ZFYVE9: variants seen among roughly 807,000 people sequenced by gnomAD.
The protein encoded by ZFYVE9 is zinc finger FYVE-type containing 9.
Under a neutral mutation model 126.7 loss-of-function variants are expected in ZFYVE9, and 43 were observed. The observed-to-expected ratio is 0.34, with a 90% CI of 0.27 to 0.44. The LOEUF is 0.44. Ranked by LOEUF, ZFYVE9 falls within the 20% of genes least tolerant of loss-of-function variation. ZFYVE9 has a pLI of 1.00. For synonymous variants in ZFYVE9, 521 were observed against 597.4 expected (o/e 0.87, Z 1.87); for missense variants, 1,476 against 1,697.0 (o/e 0.87, Z 2.29).
At chr1:52,340,707 C>G (rs1021067598) in intron 17 of ZFYVE9, among the ~76,000 whole-genome samples, 1 of 151,822 alleles carries the variant, frequency 6.6e-6, no homozygotes, top group Non-Finnish European at 1.5e-5. Flanking sequence ...CAAGACCAGC[C>G]TGGGTAACAT....
chr1:52,160,944 A>G (rs1644452263), intron 1 of ZFYVE9, among the ~76,000 whole-genome samples: 1 of 152,098 alleles, frequency 6.6e-6, no homozygotes, highest in African/African-American at 2.4e-5. Flanking sequence ...CACTCTCCTT[A>G]TTCTGGACAT....
At position 52,238,522 on chromosome 1, in the gene ZFYVE9, G is replaced by T. The variant is rs1441414968; in HGVS notation, c.1105G>T (p.Ala369Ser). 6.2e-7 allele frequency: 1 copy of T among 1,614,080 alleles called. No homozygotes were observed. Among genetic ancestry groups the T allele is most frequent in the Non-Finnish European group, 8.5e-7 (1 of 1,179,976 alleles). ...TTGCCTTGTGCCTAATGAAGTTAGG[G>T]CTGATGAAAATGAAGGTTATGAACA... Reference protein sequence around the residue: ...SDCLVPNEVRADENEGYEHEE... With the variant: ...SDCLVPNEVRSDENEGYEHEE... The change falls in exon 4 of 19, where the codon GCT becomes TCT. Residue 369 changes from alanine to serine, a missense_variant. Ala to Ser is a moderately conservative substitution (Grantham distance 99). Around this residue, in one of 2 missense-constraint regions of ZFYVE9, gnomAD observed 807 missense variants for 794.6 expected, o/e 1.02. Coordinates refer to ENST00000287727, the MANE Select transcript of ZFYVE9 (RefSeq NM_004799.4).
chr1:52,191,453 T>C (rs1369769429), intron 1 of ZFYVE9, among the ~76,000 whole-genome samples: 2 of 152,342 alleles, frequency 1.3e-5, no homozygotes, highest in Middle Eastern at 6.8e-3. Context: ...CTTGCCCTCA[T>C]GAAGTGACTT....
chr1:52,340,266 T>G, intron 17 of ZFYVE9, 35 bp downstream of exon 17: 1 of 1,557,158 alleles, frequency 6.4e-7, no homozygotes, highest in Non-Finnish European at 8.8e-7. Context: ...TTGACCCACT[T>G]TGAGCACAAC....
chr1:52,278,626 AT>A lies in ZFYVE9; in HGVS notation c.2869+17del. On this transcript the variant is annotated intron_variant, in intron 9 of 18. Transcript: ENST00000287727. ...TAAAATTGTAAATTGTAAGTTATAA[AT>A]TTTTAAAAATTAAAATCAGATGTTT... The A allele has an allele frequency of 6.7e-7, 1 of 1,494,342 alleles. No individual in the cohort carries two copies. The highest frequency in any genetic ancestry group is 9.1e-7 in the Non-Finnish European group (1 of 1,099,486). 92.6% of individuals were successfully genotyped at this position (1,494,342 alleles called of 1,614,324 possible).
intron 1 of ZFYVE9, among the ~76,000 whole-genome samples, chr1:52,155,475 C>T (rs1644394657): frequency 6.6e-6 from 1 of 152,122 alleles, no homozygotes; most frequent in Non-Finnish European, 1.5e-5. Context: ...ACCTCGTGGT[C>T]CACCCGCCTC....
chr1:52,303,774 T>C, intron 12 of ZFYVE9, 47 bp from the exon 13 acceptor site: 1 of 1,228,812 alleles, frequency 8.1e-7, no homozygotes, highest in Non-Finnish European at 1.1e-6. Context: ...AATTAAACCC[T>C]ACCATTGATG....
chr1:52,253,869 C>T, intron 4 of ZFYVE9: 1 of 1,229,868 alleles, frequency 8.1e-7, no homozygotes, highest in Non-Finnish European at 1.2e-6. Context: ...ATGCAGACTA[C>T]AAATCTGATG....
At chr1:52,318,370 ATGTGTG>A (rs59683935) in intron 13 of ZFYVE9, among the ~76,000 whole-genome samples, 5,971 of 144,318 alleles carry the variant, frequency 0.041, 303 homozygotes, top group African/African-American at 0.12. Flanking sequence ...GCATGATTGT[ATGTGTG>A]TGTGTGTGTG....
At chr1:52,333,303 A>AG (rs1557524714) in intron 14 of ZFYVE9, among the ~76,000 whole-genome samples, 1 of 152,028 alleles carries the variant, frequency 6.6e-6, no homozygotes, top group African/African-American at 2.4e-5. Flanking sequence ...AAAAAAAAAA[A>AG]AAATATGCCC....
intron 13 of ZFYVE9, among the ~76,000 whole-genome samples, chr1:52,331,901 C>T (rs1178845873): frequency 2.6e-5 from 4 of 151,280 alleles, no homozygotes; most frequent in African/African-American, 7.3e-5. Context: ...GCCTCAGCCT[C>T]CTGAGTAGCT....
chr1:52,150,952 A>T (rs574667028), intron 1 of ZFYVE9, among the ~76,000 whole-genome samples: 21 of 151,042 alleles, frequency 1.4e-4, no homozygotes, highest in Non-Finnish European at 2.2e-4. Flanking sequence ...TTCACAGTAC[A>T]TCATGTAGGC....
intron 2 of ZFYVE9, among the ~76,000 whole-genome samples, chr1:52,226,080 T>C (rs1027776172): frequency 1.3e-5 from 2 of 152,138 alleles, no homozygotes; most frequent in African/African-American, 4.8e-5. Context: ...TTCGATCAGG[T>C]ATGAAGTTTA....
intron 1 of ZFYVE9, among the ~76,000 whole-genome samples, chr1:52,165,861 T>G (rs1345509708): frequency 6.6e-6 from 1 of 152,202 alleles, no homozygotes; most frequent in Non-Finnish European, 1.5e-5. Context: ...AACAGCAAAT[T>G]TGTCTTCTAG....
At chr1:52,191,819 A>C (rs1328654041) in intron 1 of ZFYVE9, among the ~76,000 whole-genome samples, 1 of 152,204 alleles carries the variant, frequency 6.6e-6, no homozygotes, top group Non-Finnish European at 1.5e-5. Flanking sequence ...GTCTAGCGGC[A>C]CTTAGCAAAG....
Position 52,282,054 on chromosome 1 carries a change from G to A in ZFYVE9, c.3025+238G>A, listed in dbSNP as rs578217701. 3.3e-5 allele frequency among the ~76,000 whole-genome samples: 5 copies of A among 152,278 alleles called. No individual in the cohort carries two copies. In the East Asian group the frequency reaches 9.6e-4, roughly 29 times the overall value. ...TGTAAGAGAATCTGGTGACCTAAAT[G>A]TAAGAATATTTTCTTTTTAGTGGCC... On this transcript the variant is annotated intron_variant, in intron 10 of 18. Transcript: ENST00000287727.
chr1:52,273,814 T>C (rs1478868879), intron 7 of ZFYVE9, among the ~76,000 whole-genome samples: 1 of 129,368 alleles, frequency 7.7e-6, no homozygotes, highest in Non-Finnish European at 1.6e-5. Flanking sequence ...GTGAGACTCC[T>C]TCTCAAAAAA....
At chr1:52,153,934 G>A (rs1344057698) in intron 1 of ZFYVE9, among the ~76,000 whole-genome samples, 2 of 152,200 alleles carry the variant, frequency 1.3e-5, no homozygotes, top group Non-Finnish European at 2.9e-5. Flanking sequence ...TGCATGTACT[G>A]CATACAAGAG....
intron 13 of ZFYVE9, among the ~76,000 whole-genome samples, chr1:52,306,861 C>A (rs1487245437): frequency 6.6e-6 from 1 of 152,248 alleles, no homozygotes; most frequent in East Asian, 1.9e-4. Flanking sequence ...GCCAGCATGC[C>A]TGACTGTGTG....
Sources: allele counts gnomAD v4.1 joint callset (sites outside exome capture counted in the v4.1 genomes callset), GRCh38; gene constraint gnomAD v4.1.1; regional missense constraint gnomAD v4.1.1; transcripts MANE v1.5; gene names NCBI Gene and HGNC (gene_info 2026-07-23, HGNC 2026-07-21).